Variants in MACROD2 observed in about 807,000 individuals in gnomAD.
MACROD2 encodes the protein ADP-ribose glycohydrolase MACROD2.
In MACROD2, 36 loss-of-function variants were observed where a neutral mutation model predicts 70.4. The observed-to-expected ratio is 0.51, with a 90% confidence interval of 0.39 to 0.68. MACROD2 has a LOEUF of 0.68. Ranked by LOEUF, MACROD2 falls within the 30% of genes least tolerant of loss-of-function variation. MACROD2 has a pLI of 0.00. For missense variants in MACROD2, 496 were observed against 538.4 expected (o/e 0.92, Z 0.78); for synonymous variants, 172 against 178.8 (o/e 0.96, Z 0.30).
At chr20:15,876,121 T>TATATATATATATATAAATATATATA (rs1568611993) in intron 9 of MACROD2, among the ~76,000 whole-genome samples, 1 of 25,476 alleles carries the variant, frequency 3.9e-5, no homozygotes, top group African/African-American at 1.2e-4. Flanking sequence ...ATGTGTGTAT[T>TATATATATATATATAAATATATATA]TTTTTTATTA....
chr20:15,978,792 G>A (rs914164130), intron 13 of MACROD2, among the ~76,000 whole-genome samples: 1 of 152,192 alleles, frequency 6.6e-6, no homozygotes. Context: ...AGAGACAGAT[G>A]ATATATCCCT....
At chr20:14,691,518 G>A (rs1421504896) in intron 5 of MACROD2, among the ~76,000 whole-genome samples, 2 of 152,148 alleles carry the variant, frequency 1.3e-5, no homozygotes, top group African/African-American at 4.8e-5. Context: ...AGTCTCTCAA[G>A]GGAGAGTCAG....
At chr20:15,129,086 ATCAGAG>A (rs1426881451) in intron 5 of MACROD2, among the ~76,000 whole-genome samples, 2 of 152,078 alleles carry the variant, frequency 1.3e-5, no homozygotes, top group Non-Finnish European at 1.5e-5. Flanking sequence ...AGACAAAGTC[ATCAGAG>A]TCAAATTATG....
At chr20:15,290,196 T>C (rs1318442270) in intron 6 of MACROD2, among the ~76,000 whole-genome samples, 1 of 152,244 alleles carries the variant, frequency 6.6e-6, no homozygotes, top group Non-Finnish European at 1.5e-5. Flanking sequence ...AAAAATAATC[T>C]CTGGTTGCTT....
At chr20:15,126,493 C>T (rs963532556) in intron 5 of MACROD2, among the ~76,000 whole-genome samples, 1 of 151,864 alleles carries the variant, frequency 6.6e-6, no homozygotes, top group South Asian at 2.1e-4. Flanking sequence ...ATAAAATTTG[C>T]ATTTTTATCA....
intron 6 of MACROD2, among the ~76,000 whole-genome samples, chr20:15,419,369 CTGG>C: frequency 6.6e-6 from 1 of 152,136 alleles, no homozygotes; most frequent in African/African-American, 2.4e-5. Flanking sequence ...GGGCAGTCCT[CTGG>C]CAGTTGCTGT....
In MACROD2 at chr20:16,050,745, A is replaced by C. The variant is rs2098437760; in HGVS notation, c.*869A>C. 2.0e-5 allele frequency: 3 copies of C among 152,236 alleles called. No homozygotes were observed. Among genetic ancestry groups the C allele is most frequent in the Admixed American group, 2.0e-4 (3 of 15,282 alleles). 9.4% of individuals were successfully genotyped at this position (152,236 alleles called of 1,614,324 possible). On this transcript the variant is annotated 3_prime_UTR_variant, in exon 18 of 18. Transcript: ENST00000684519. ...GGCAGTGCATTTAGGACCCAAACATATGCCTATGAATATCAAAAGCTCCTC... is the reference window on the plus strand; with the variant it reads ...GGCAGTGCATTTAGGACCCAAACATCTGCCTATGAATATCAAAAGCTCCTC...
chr20:14,470,261 C>A lies in MACROD2; in HGVS notation c.272-23218C>A, dbSNP rs2084512172. 2.0e-5 allele frequency among the ~76,000 whole-genome samples: 3 copies of A among 152,086 alleles called. No individual in the cohort carries two copies. The South Asian group carries it at 6.2e-4, about 32-fold the overall frequency. The stretch of plus-strand genomic sequence containing the variant: ...GCCGGGGTATCACCAGCAGAGACCG[C>A]AGGACAGCAAAGATTGCTGTCTTTT... On this transcript the variant is annotated intron_variant, in intron 3 of 17. Transcript: ENST00000684519.
chr20:15,193,804 C>G (rs1391794365), intron 5 of MACROD2, among the ~76,000 whole-genome samples: 1 of 151,788 alleles, frequency 6.6e-6, no homozygotes, highest in African/African-American at 2.4e-5. Context: ...TACAAAGGAG[C>G]GGGTGAGAAA....
intron 8 of MACROD2, among the ~76,000 whole-genome samples, chr20:15,563,088 C>A (rs1232928647): frequency 1.3e-5 from 2 of 152,200 alleles, no homozygotes; most frequent in African/African-American, 2.4e-5. Context: ...TGTGTGCATG[C>A]AGCCATGCAC....
intron 6 of MACROD2, among the ~76,000 whole-genome samples, chr20:15,276,390 A>C (rs1407058237): frequency 2.1e-5 from 2 of 95,800 alleles, no homozygotes; most frequent in East Asian, 2.2e-4. Flanking sequence ...ACAGAGAGAG[A>C]CTCCCTCTCA....
intron 3 of MACROD2, among the ~76,000 whole-genome samples, chr20:14,104,376 T>G (rs951536543): frequency 6.6e-6 from 1 of 152,098 alleles, no homozygotes; most frequent in Non-Finnish European, 1.5e-5. Flanking sequence ...ACGCTGAATG[T>G]TTTTCAGCTA....
At chr20:15,618,465 G>A (rs942781805) in intron 8 of MACROD2, among the ~76,000 whole-genome samples, 13 of 152,016 alleles carry the variant, frequency 8.6e-5, no homozygotes, top group East Asian at 7.8e-4. Context: ...AAGAAGGACC[G>A]TCAGGAATGT....
intron 2 of MACROD2, among the ~76,000 whole-genome samples, chr20:14,038,823 CCATT>C (rs1408320302): frequency 2.0e-5 from 3 of 152,080 alleles, no homozygotes; most frequent in South Asian, 2.1e-4. Flanking sequence ...AAAAAAGTAG[CCATT>C]CATTCATTCA....
chr20:14,697,004 A>G (rs6135224), intron 5 of MACROD2, among the ~76,000 whole-genome samples: 52,565 of 151,986 alleles, frequency 0.35, 9,667 homozygotes, highest in East Asian at 0.59. Context: ...CTTCTGAGTT[A>G]TAATATGTTT....
At chr20:15,566,570 T>C (rs2048313853) in intron 8 of MACROD2, among the ~76,000 whole-genome samples, 1 of 152,174 alleles carries the variant, frequency 6.6e-6, no homozygotes, top group Admixed American at 6.5e-5. Context: ...CTGGGACCTC[T>C]GTGTTCAGGA....
chr20:14,110,199 TA>T (rs1217778674), intron 3 of MACROD2, among the ~76,000 whole-genome samples: 2 of 151,710 alleles, frequency 1.3e-5, no homozygotes, highest in Middle Eastern at 3.2e-3. Flanking sequence ...GTAAAAGATC[TA>T]AAAAAACTCG....
intron 5 of MACROD2, among the ~76,000 whole-genome samples, chr20:15,039,372 G>A (rs6034091): frequency 0.11 from 17,341 of 152,154 alleles, 2,738 homozygotes; most frequent in African/African-American, 0.36. Context: ...AGGTCAGAGA[G>A]TAACCTTTTC....
chr20:15,491,076 A>G (rs970435555), intron 7 of MACROD2, among the ~76,000 whole-genome samples: 3 of 152,216 alleles, frequency 2.0e-5, no homozygotes, highest in African/African-American at 7.2e-5. Context: ...AGAGTGACTT[A>G]TACATAATAA....
Sources: allele counts gnomAD v4.1 joint callset (sites outside exome capture counted in the v4.1 genomes callset), GRCh38; gene constraint gnomAD v4.1.1; transcripts MANE v1.5; gene names NCBI Gene and HGNC (gene_info 2026-07-23, HGNC 2026-07-21).